MBNL2: variants seen among roughly 807,000 people sequenced by gnomAD.
The protein encoded by MBNL2 is muscleblind like splicing regulator 2, also known as muscleblind-like protein 2.
MBNL2 carries 17 observed loss-of-function variants against 41.9 expected under a neutral mutation model. The ratio of observed to expected loss-of-function variants is 0.41; its 90% CI spans 0.28 to 0.61. The LOEUF is 0.61. Ranked by LOEUF, MBNL2 falls within the 20% of genes least tolerant of loss-of-function variation. MBNL2 has a pLI of 0.35. For synonymous variants in MBNL2, 195 were observed against 182.9 expected (o/e 1.07, Z -0.53); for missense variants, 336 against 505.6 (o/e 0.66, Z 3.22).
At chr13:97,204,927 C>A in the MBNL2 span, among the ~76,000 whole-genome samples, 1 of 151,926 alleles carries the variant, frequency 6.6e-6, no homozygotes, top group Non-Finnish European at 1.5e-5. Flanking sequence ...TATAAAAATT[C>A]ACTTTGGGAG....
In MBNL2 at chr13:97,296,930, T is replaced by C. The variant is rs189208211; in HGVS notation, c.174+20521T>C. On this transcript the variant is annotated intron_variant, in intron 2 of 8. Coordinates refer to ENST00000679496, the MANE Select transcript of MBNL2 (RefSeq NM_001382683.1). ...AACTAGATGAAGAGACAGATGTGGA[T>C]TTTAGAGGACAAAAGTCCAATTTCA... is the stretch of plus-strand genomic sequence containing the variant. Among the ~76,000 whole-genome samples the C allele has an allele frequency of 2.2e-3, 332 of 152,240 alleles. 2 individuals carry two copies. Among genetic ancestry groups the C allele is most frequent in the African/African-American group, 7.6e-3 (315 of 41,558 alleles).
At chr13:97,354,197 T>C (rs769958266) in intron 5 of MBNL2, among the ~76,000 whole-genome samples, 23 of 152,138 alleles carry the variant, frequency 1.5e-4, no homozygotes, top group Non-Finnish European at 2.9e-4. Flanking sequence ...AGGGCTCAAT[T>C]ACCTGTCTTG....
intron 8 of MBNL2, among the ~76,000 whole-genome samples, chr13:97,373,829 A>G (rs961195991): frequency 4.6e-5 from 7 of 152,088 alleles, no homozygotes; most frequent in African/African-American, 9.6e-5. Flanking sequence ...CAGATTCTCT[A>G]AGAAAAGGCT....
the MBNL2 span, among the ~76,000 whole-genome samples, chr13:97,184,292 C>T: frequency 1.3e-4 from 20 of 152,238 alleles, no homozygotes; most frequent in Admixed American, 2.0e-4. Flanking sequence ...TTTGGTAAGA[C>T]GTGAGAATAA....
the MBNL2 span, among the ~76,000 whole-genome samples, chr13:97,213,696 A>G: frequency 6.6e-6 from 1 of 152,166 alleles, no homozygotes; most frequent in Non-Finnish European, 1.5e-5. Flanking sequence ...TGGGACCAAC[A>G]TGTAGCAAGT....
At chr13:97,328,816 TTTC>T (rs1353280410) in intron 2 of MBNL2, among the ~76,000 whole-genome samples, 1 of 152,210 alleles carries the variant, frequency 6.6e-6, no homozygotes, top group Non-Finnish European at 1.5e-5. Flanking sequence ...TCTTCTATGT[TTTC>T]TTTTTTGTGC....
chr13:97,308,351 T>A (rs1246741827), intron 2 of MBNL2, among the ~76,000 whole-genome samples: 2 of 152,256 alleles, frequency 1.3e-5, no homozygotes, highest in Non-Finnish European at 2.9e-5. Context: ...CTCTCAATTA[T>A]GCATGCTGGT....
At chr13:97,297,398 G>A (rs1277215777) in intron 2 of MBNL2, among the ~76,000 whole-genome samples, 1 of 152,128 alleles carries the variant, frequency 6.6e-6, no homozygotes, top group Non-Finnish European at 1.5e-5. Context: ...TCTATGGCAT[G>A]AGCTCTGGAA....
intron 2 of MBNL2, among the ~76,000 whole-genome samples, chr13:97,306,383 G>A (rs1445993127): frequency 2.0e-5 from 3 of 152,170 alleles, no homozygotes; most frequent in South Asian, 2.1e-4. Context: ...TATTTGACAC[G>A]GTTGAGCACT....
intron 7 of MBNL2, among the ~76,000 whole-genome samples, chr13:97,363,465 A>T (rs1460944240): frequency 9.4e-6 from 1 of 106,062 alleles, no homozygotes; most frequent in Non-Finnish European, 1.9e-5. Context: ...TGTGTGTGTG[A>T]TCAAAAATCT....
chr13:97,293,170 T>C (rs1372286947), intron 2 of MBNL2, among the ~76,000 whole-genome samples: 1 of 152,184 alleles, frequency 6.6e-6, no homozygotes, highest in Non-Finnish European at 1.5e-5. Flanking sequence ...AATTCTTTTT[T>C]CGTTGAAGTA....
At chr13:97,292,172 G>A (rs958428368) in intron 2 of MBNL2, among the ~76,000 whole-genome samples, 38 of 138,576 alleles carry the variant, frequency 2.7e-4, no homozygotes, top group African/African-American at 1.1e-3. Context: ...CTGCACTCCA[G>A]CCTGGGCAAC....
At position 97,233,126 on chromosome 13, in the gene MBNL2, CATATAT is replaced by C. The variant is rs376967986; in HGVS notation, c.-605+10640_-605+10645del. 9.5e-3 allele frequency among the ~76,000 whole-genome samples: 379 copies of C among 39,698 alleles called. 6 individuals carry two copies. Among genetic ancestry groups the C allele is most frequent in the African/African-American group, 0.013 (133 of 10,270 alleles). 26.0% of individuals were successfully genotyped at this position (39,698 alleles called of 152,430 possible). ...GATGCTCTCGCTTCAGGCTCTTTTT[CATATAT>C]ATATATATATATATATATATATATA... On this transcript the variant is annotated intron_variant, in intron 1 of 8. Transcript: ENST00000679496.
chr13:97,329,958 C>T (rs1424236188), intron 2 of MBNL2, among the ~76,000 whole-genome samples: 3 of 152,206 alleles, frequency 2.0e-5, no homozygotes, highest in Non-Finnish European at 4.4e-5. Flanking sequence ...TTCTGACCCT[C>T]TCCCACCATT....
At chr13:97,161,871 T>C in the MBNL2 span, among the ~76,000 whole-genome samples, 1 of 152,178 alleles carries the variant, frequency 6.6e-6, no homozygotes, top group Non-Finnish European at 1.5e-5. Flanking sequence ...CTTACAAAGA[T>C]AAAAAATTTA....
intron 1 of MBNL2, among the ~76,000 whole-genome samples, chr13:97,226,760 CA>C (rs200073204): frequency 6.7e-5 from 10 of 149,170 alleles, no homozygotes; most frequent in African/African-American, 1.2e-4. Context: ...AAGAATGGTG[CA>C]AAAAAAAATC....
chr13:97,233,173 A>G (rs1271334005), intron 1 of MBNL2, among the ~76,000 whole-genome samples: 1 of 102,838 alleles, frequency 9.7e-6, no homozygotes, highest in Non-Finnish European at 1.9e-5. Flanking sequence ...ATATATATAT[A>G]TATCTTTTTA....
the MBNL2 span, among the ~76,000 whole-genome samples, chr13:97,150,321 G>C: frequency 6.6e-6 from 1 of 152,170 alleles, no homozygotes; most frequent in Non-Finnish European, 1.5e-5. Flanking sequence ...TATGACCCTT[G>C]AGGCTACATG....
the MBNL2 span, among the ~76,000 whole-genome samples, chr13:97,163,932 C>T: frequency 2.0e-5 from 3 of 152,292 alleles, no homozygotes; most frequent in Admixed American, 6.5e-5. Flanking sequence ...AGAAGCTGGA[C>T]TAGGCAGGGA....
Sources: allele counts gnomAD v4.1 joint callset (sites outside exome capture counted in the v4.1 genomes callset), GRCh38; gene constraint gnomAD v4.1.1; transcripts MANE v1.5; gene names NCBI Gene and HGNC (gene_info 2026-07-23, HGNC 2026-07-21).